Variants in ZFPM2 observed in about 807,000 individuals in gnomAD.
The protein encoded by ZFPM2 is zinc finger protein, FOG family member 2, also known as zinc finger protein ZFPM2.
Under a neutral mutation model 98.6 loss-of-function variants are expected in ZFPM2, and 20 were observed. The observed-to-expected ratio is 0.20, with a 90% CI of 0.14 to 0.29. The LOEUF is 0.29. Among genes scored for constraint, ZFPM2 ranks in the 10% least tolerant of loss-of-function variants. The pLI is 1.00. For missense variants in ZFPM2, 1,310 were observed against 1,388.6 expected, an observed-to-expected ratio of 0.94 and a Z score of 0.90; for synonymous variants, 518 against 502.7, an observed-to-expected ratio of 1.03 and a Z score of -0.41.
rs761684512 is a variant in ZFPM2 at position 105,318,928 on chromosome 8, C to T, written c.-14C>T. ...GGCACCGCGGGAGCCCCAGCGGCAG[C>T]AGCCGCCGCCGAGATGTCCCGGCGA... On this transcript the variant is annotated 5_prime_UTR_variant, in exon 1 of 8. Transcript: ENST00000407775. 1.6e-5 allele frequency: 23 copies of T among 1,419,042 alleles called. No individual in the cohort carries two copies. In the East Asian group the frequency reaches 4.1e-4, roughly 25 times the overall value. The allele number at this position is 1,419,042 out of a possible 1,614,324, so 87.9% of individuals were successfully genotyped here. A position where few individuals can be genotyped will look rare whatever the true frequency, so the allele number is the denominator to read the frequency against.
chr8:105,657,440 T>A (rs1817307229), intron 5 of ZFPM2, among the ~76,000 whole-genome samples: 1 of 152,246 alleles, frequency 6.6e-6, no homozygotes, highest in African/African-American at 2.4e-5. Flanking sequence ...CACCTGGCCG[T>A]AATGCTCTTC....
intron 1 of ZFPM2, among the ~76,000 whole-genome samples, chr8:105,386,219 T>A (rs370412687): frequency 1.0e-3 from 158 of 152,340 alleles, no homozygotes; most frequent in African/African-American, 3.7e-3. Context: ...AAGTAGGGTA[T>A]TTTTTAAAGG....
intron 5 of ZFPM2, among the ~76,000 whole-genome samples, chr8:105,712,120 G>A (rs891066463): frequency 2.0e-5 from 3 of 151,904 alleles, no homozygotes; most frequent in African/African-American, 4.8e-5. Flanking sequence ...GAAAAAGGCT[G>A]GTGAGGAACC....
chr8:105,688,796 C>T (rs1810807233), intron 5 of ZFPM2, among the ~76,000 whole-genome samples: 1 of 152,114 alleles, frequency 6.6e-6, no homozygotes, highest in Non-Finnish European at 1.5e-5. Flanking sequence ...ACATTACACT[C>T]TTCTCATTCT....
At chr8:105,697,603 T>A (rs1239361382) in intron 5 of ZFPM2, among the ~76,000 whole-genome samples, 2 of 152,216 alleles carry the variant, frequency 1.3e-5, no homozygotes, top group Non-Finnish European at 2.9e-5. Context: ...TCTTTAGCTT[T>A]ATATTTACTC....
At chr8:105,788,594 A>G in intron 5 of ZFPM2, 124 bp from the exon 6 acceptor site, 1 of 931,176 alleles carries the variant, frequency 1.1e-6, no homozygotes. Flanking sequence ...GCCTTGATCA[A>G]ACACTCCACT....
chr8:105,548,113 G>T (rs2130649859), intron 3 of ZFPM2, among the ~76,000 whole-genome samples: 1 of 152,002 alleles, frequency 6.6e-6, no homozygotes, highest in Non-Finnish European at 1.5e-5. Context: ...TGCTCATTCA[G>T]AACTTCACCA....
intron 5 of ZFPM2, among the ~76,000 whole-genome samples, chr8:105,687,377 C>A (rs1810765229): frequency 6.6e-6 from 1 of 152,086 alleles, no homozygotes; most frequent in Non-Finnish European, 1.5e-5. Flanking sequence ...GTAAGAGAAT[C>A]TTGTCATCTC....
intron 4 of ZFPM2, among the ~76,000 whole-genome samples, chr8:105,607,218 T>C (rs1465052313): frequency 1.3e-5 from 2 of 152,174 alleles, no homozygotes; most frequent in African/African-American, 4.8e-5. Context: ...GTCTTAATTA[T>C]CTTCTCTAAA....
intron 1 of ZFPM2, among the ~76,000 whole-genome samples, chr8:105,399,542 T>A (rs192349380): frequency 3.3e-5 from 5 of 152,306 alleles, no homozygotes; most frequent in Admixed American, 1.3e-4. Flanking sequence ...TAGATACAAC[T>A]TCCATGAGGA....
intron 4 of ZFPM2, among the ~76,000 whole-genome samples, chr8:105,600,936 G>A (rs1816079605): frequency 1.3e-5 from 2 of 151,984 alleles, no homozygotes; most frequent in Admixed American, 6.6e-5. Context: ...TTTAAAATGA[G>A]AATACATGTA....
intron 6 of ZFPM2, chr8:105,795,861 C>G (rs778151577): frequency 1.3e-4 from 58 of 447,450 alleles, no homozygotes; most frequent in Non-Finnish European, 2.4e-4. Flanking sequence ...GAGTAGCAGA[C>G]ACATCTTAAG....
chr8:105,484,166 G>C (rs534706749), intron 3 of ZFPM2, among the ~76,000 whole-genome samples: 2 of 151,872 alleles, frequency 1.3e-5, no homozygotes, highest in African/African-American at 4.8e-5. Flanking sequence ...TTCATTCATC[G>C]ATTTCAGAAA....
chr8:105,675,357 G>A (rs1229219473), intron 5 of ZFPM2, among the ~76,000 whole-genome samples: 2 of 152,164 alleles, frequency 1.3e-5, no homozygotes, highest in African/African-American at 2.4e-5. Flanking sequence ...AGTGATATCA[G>A]TAAATGTGGG....
chr8:105,772,192 T>C (rs1181639360), intron 5 of ZFPM2, among the ~76,000 whole-genome samples: 1 of 152,126 alleles, frequency 6.6e-6, no homozygotes, highest in Admixed American at 6.6e-5. Flanking sequence ...CACTTAAGAA[T>C]GGCAAGGGTT....
At position 105,801,549 on chromosome 8, in the gene ZFPM2, G is replaced by A. The variant is rs1157664920; in HGVS notation, c.1467G>A (p.Gly489=). ...LASSPVQPNI[G]PSFPVGPFLS... ...CATCTCCAGTTCAGCCTAATATTGG[G>A]CCTTCTTTCCCTGTGGGCCCTTTCC... Residue 489 remains glycine, a synonymous_variant, in exon 8 of 8, where the codon GGG becomes GGA. Coordinates refer to ENST00000407775, the MANE Select transcript of ZFPM2 (RefSeq NM_012082.4). The A allele has an allele frequency of 6.2e-7, 1 of 1,613,680 alleles. No individual in the cohort carries two copies. The highest frequency in any genetic ancestry group is 8.5e-7 in the Non-Finnish European group (1 of 1,179,838).
At chr8:105,364,245 T>C (rs1207414863) in intron 1 of ZFPM2, among the ~76,000 whole-genome samples, 2 of 152,060 alleles carry the variant, frequency 1.3e-5, no homozygotes, top group East Asian at 3.9e-4. Context: ...TATAACATAC[T>C]GTCTGGAAGT....
At chr8:105,393,185 A>G (rs750803226) in intron 1 of ZFPM2, among the ~76,000 whole-genome samples, 2 of 152,306 alleles carry the variant, frequency 1.3e-5, no homozygotes, top group Non-Finnish European at 2.9e-5. Context: ...TTAAAGAAAT[A>G]TTTTTATTGC....
At chr8:105,692,316 A>C (rs1810905911) in intron 5 of ZFPM2, among the ~76,000 whole-genome samples, 1 of 152,226 alleles carries the variant, frequency 6.6e-6, no homozygotes, top group Non-Finnish European at 1.5e-5. Context: ...TATGTGTGTT[A>C]TAATGACTAC....
Sources: gnomAD v4.1 joint callset for allele counts (sites outside exome capture counted in the v4.1 genomes callset) on GRCh38, gnomAD v4.1.1 for gene constraint, MANE v1.5 for transcripts, NCBI Gene and HGNC (gene_info 2026-07-23, HGNC 2026-07-21) for gene names.